The following EPN2 variants were observed in gnomAD, a reference collection of about 807,000 sequenced individuals.
EPN2 encodes epsin-2.
Under a neutral mutation model 61.7 loss-of-function variants are expected in EPN2, and 34 were observed. That is an observed-to-expected ratio of 0.55 (90% CI 0.42 to 0.73). The LOEUF (loss-of-function observed/expected upper bound fraction) is 0.73, where lower values mean the gene tolerates loss of function less well. Among genes scored for constraint, EPN2 ranks in the 30% least tolerant of loss-of-function variants. The pLI, the probability that EPN2 is intolerant of heterozygous loss-of-function variation, is 0.00. For synonymous variants in EPN2, 349 were observed against 353.6 expected (o/e 0.99, Z 0.15); for missense variants, 714 against 839.2 (o/e 0.85, Z 1.84).
chr17:19,255,980 C>T (rs149326746), intron 1 of EPN2, among the ~76,000 whole-genome samples: 3 of 151,866 alleles, frequency 2.0e-5, no homozygotes, highest in Admixed American at 6.6e-5. Context: ...GTCTGTTACC[C>T]AGGCTGGAGT....
chr17:19,331,805 G>A lies in EPN2; in HGVS notation c.1412-48G>A, dbSNP rs764090296. On this transcript the variant is annotated intron_variant, in intron 9 of 10. Coordinates refer to ENST00000314728, the MANE Select transcript of EPN2 (RefSeq NM_014964.5). ...GTTTTGTGTTAAGTACACAGTCTTAGGCTCTCCCTGCCACACTCACCCTGC... is the reference window on the plus strand; with the variant it reads ...GTTTTGTGTTAAGTACACAGTCTTAAGCTCTCCCTGCCACACTCACCCTGC... The A allele has an allele frequency of 4.6e-6, 7 of 1,529,216 alleles. No homozygotes were observed. The South Asian group carries it at 7.8e-5, about 17-fold the overall frequency. 94.7% of individuals were successfully genotyped at this position (1,529,216 alleles called of 1,614,324 possible).
At chr17:19,260,427 C>T (rs1438666551) in intron 1 of EPN2, among the ~76,000 whole-genome samples, 3 of 152,118 alleles carry the variant, frequency 2.0e-5, no homozygotes, top group East Asian at 1.9e-4. Context: ...AAGGGACAGA[C>T]GCGGGACGGT....
intron 1 of EPN2, among the ~76,000 whole-genome samples, chr17:19,237,992 C>A (rs1022867326): frequency 1.3e-5 from 2 of 152,188 alleles, no homozygotes; most frequent in African/African-American, 2.4e-5. Context: ...GTGCAGAGCC[C>A]GGTCCGGGCG....
intron 1 of EPN2, among the ~76,000 whole-genome samples, chr17:19,247,712 G>T (rs1481062396): frequency 6.7e-6 from 1 of 148,580 alleles, no homozygotes; most frequent in Admixed American, 6.6e-5. Context: ...AGGGAGCAGG[G>T]TAGGTCTTGA....
chr17:19,280,916 C>T (rs1384483379), intron 1 of EPN2, among the ~76,000 whole-genome samples: 1 of 152,212 alleles, frequency 6.6e-6, no homozygotes, highest in Non-Finnish European at 1.5e-5. Flanking sequence ...AGTTGAGACC[C>T]CTTCTTTGGG....
At chr17:19,259,608 G>C (rs2045118929) in intron 1 of EPN2, among the ~76,000 whole-genome samples, 1 of 152,120 alleles carries the variant, frequency 6.6e-6, no homozygotes, top group African/African-American at 2.4e-5. Flanking sequence ...CACAGCGCCC[G>C]GCTGAGTATT....
intron 1 of EPN2, among the ~76,000 whole-genome samples, chr17:19,243,781 C>G (rs535273222): frequency 6.6e-6 from 1 of 152,240 alleles, no homozygotes; most frequent in Admixed American, 6.5e-5. Flanking sequence ...TCAAGTGATC[C>G]GCTTGTCTTG....
rs539044453 is a variant in EPN2 at position 19,258,139 on chromosome 17, G to A, written c.-294+20608G>A. 2.5e-5 allele frequency: 4 copies of A among 162,972 alleles called. No individual in the cohort carries two copies. The South Asian group carries it at 6.6e-4, about 27-fold the overall frequency. 10.1% of individuals were successfully genotyped at this position (162,972 alleles called of 1,614,324 possible). On this transcript the variant is annotated intron_variant, in intron 1 of 10. Transcript: ENST00000314728. ...GGAAGAGGAATAAGCACTGACTCAG[G>A]TGGCTGCTGGTGCTGGTGCTGATGC...
At chr17:19,302,962 G>A (rs773108009) in intron 4 of EPN2, among the ~76,000 whole-genome samples, 13 of 152,216 alleles carry the variant, frequency 8.5e-5, no homozygotes, top group African/African-American at 1.2e-4. Flanking sequence ...AGCACATAGG[G>A]CAGGGAGGAA....
chr17:19,334,047 G>A lies in EPN2; in HGVS notation c.1719G>A (p.Leu573=). ...TLNQLRGSPV[L]GTSTSFGPGP... ...ACCAGCTTCGGGGGAGCCCAGTCCT[G>A]GGGACCAGCACATCCTTTGGGCCTG... The change falls in exon 11 of 11, where the codon CTG becomes CTA. Residue 573 remains leucine (L), a synonymous_variant. Transcript: ENST00000314728. This position sits in a 1 kb window ranked among gnomAD's most constrained non-coding sequence, Gnocchi z 4.9. 1 of 1,608,070 alleles carries A rather than the reference G, an allele frequency of 6.2e-7. No homozygotes were observed. Among genetic ancestry groups the A allele is most frequent in the African/African-American group, 1.3e-5 (1 of 74,986 alleles).
At position 19,283,453 on chromosome 17, in the gene EPN2, A is replaced by T. The variant is rs768221067; in HGVS notation, c.334A>T (p.Ile112Phe). 2 of 1,614,234 alleles carry T rather than the reference A, an allele frequency of 1.2e-6. No homozygotes were observed. Among genetic ancestry groups the T allele is most frequent in the South Asian group, 2.2e-5 (2 of 91,086 alleles). The change falls in exon 3 of 11, where the codon ATT becomes TTT. Residue 112 changes from isoleucine (I) to phenylalanine (F), a missense_variant. By Grantham distance (21) the Ile-to-Phe change is conservative. Transcript: ENST00000314728. This position sits in a 1 kb window ranked among gnomAD's most constrained non-coding sequence, Gnocchi z 7.0. ...AIQTLKDFQY[I>F]DRDGKDQGIN... The stretch of plus-strand genomic sequence containing the variant: ...CCAGACCCTGAAGGACTTCCAGTAC[A>T]TTGACCGAGATGGCAAGGACCAGGG...
intron 1 of EPN2, among the ~76,000 whole-genome samples, chr17:19,246,767 CTTTTTTTTT>C (rs377094702): frequency 1.8e-5 from 2 of 109,550 alleles, no homozygotes; most frequent in East Asian, 3.4e-4. Context: ...CCCTGTGTGC[CTTTTTTTTT>C]TTTTTTTTTT....
At position 19,331,878 on chromosome 17, in the gene EPN2, C is replaced by G. The variant is rs1907172968; in HGVS notation, c.1437C>G (p.Ser479=). 6.2e-7 allele frequency: 1 copy of G among 1,614,190 alleles called. No homozygotes were observed. The highest frequency in any genetic ancestry group is 1.1e-5 in the South Asian group (1 of 91,088). The part of the protein sequence containing the change: ...KTAESVTSLP[S]QNNGTTSPDP... ...CCGAATCTGTGACCTCTCTGCCATC[C>G]CAAAACAATGGAACTACCAGCCCTG... is the stretch of plus-strand genomic sequence containing the variant. The change falls in exon 10 of 11, where the codon TCC becomes TCG. Residue 479 remains serine, a synonymous_variant. Transcript: ENST00000314728.
In EPN2 at chr17:19,254,080, C is replaced by CATG. The variant is rs1449272700; in HGVS notation, c.-294+16552_-294+16554dup. On this transcript the variant is annotated intron_variant, in intron 1 of 10. Coordinates refer to ENST00000314728, the MANE Select transcript of EPN2 (RefSeq NM_014964.5). ...CCAGGAGGCGGAGGTAGCAGTGAGCCATGATCACGCCACCGTACTCCAGCC... is the reference window on the plus strand; with the variant it reads ...CCAGGAGGCGGAGGTAGCAGTGAGCCATGATGATCACGCCACCGTACTCCAGCC... 2.8e-5 allele frequency among the ~76,000 whole-genome samples: 4 copies of CATG among 142,826 alleles called. No homozygotes were observed. The Admixed American group carries it at 2.9e-4, about 10-fold the overall frequency. 93.7% of individuals were successfully genotyped at this position (142,826 alleles called of 152,430 possible). A position where few individuals can be genotyped will look rare whatever the true frequency, so the allele number is the denominator to read the frequency against.
chr17:19,320,389 C>G (rs949247976), intron 7 of EPN2, among the ~76,000 whole-genome samples: 2 of 152,178 alleles, frequency 1.3e-5, no homozygotes, highest in Non-Finnish European at 1.5e-5. Flanking sequence ...GAGCTTGTCT[C>G]CACCACGCAT....
chr17:19,280,532 A>T (rs1193318961), intron 1 of EPN2, among the ~76,000 whole-genome samples: 1 of 152,194 alleles, frequency 6.6e-6, no homozygotes, highest in Non-Finnish European at 1.5e-5. Flanking sequence ...GTGGCTTCAG[A>T]TAGAGTCAGA....
At position 19,247,197 on chromosome 17, in the gene EPN2, A is replaced by T. The variant is rs1391338778; in HGVS notation, c.-294+9666A>T. Among the ~76,000 whole-genome samples the T allele has an allele frequency of 5.9e-5, 9 of 152,182 alleles. No homozygotes were observed. The East Asian group carries it at 9.6e-4, about 16-fold the overall frequency. On this transcript the variant is annotated intron_variant, in intron 1 of 10. Transcript: ENST00000314728. ...TCACTTTATGAGAAGCAGCTGGGAGATGTAGAAGTATGGGCATTTCAAGGA... is the reference window on the plus strand; with the variant it reads ...TCACTTTATGAGAAGCAGCTGGGAGTTGTAGAAGTATGGGCATTTCAAGGA...
Position 19,334,716 on chromosome 17 carries a change from T to C in EPN2, c.*462T>C, listed in dbSNP as rs1907320502. 6.5e-6 allele frequency: 1 copy of C among 155,020 alleles called. No individual in the cohort carries two copies. Among genetic ancestry groups the C allele is most frequent in the Non-Finnish European group, 1.4e-5 (1 of 69,794 alleles). 9.6% of individuals were successfully genotyped at this position (155,020 alleles called of 1,614,324 possible). A position where few individuals can be genotyped will look rare whatever the true frequency, so the allele number is the denominator to read the frequency against. On this transcript the variant is annotated 3_prime_UTR_variant, in exon 11 of 11. Coordinates refer to ENST00000314728, the MANE Select transcript of EPN2 (RefSeq NM_014964.5). This position sits in a 1 kb window ranked among gnomAD's most constrained non-coding sequence, Gnocchi z 4.9. ...CACCTTTTGGGGAAGTGGTTGTGCA[T>C]ATTTTATTTTTCTTTGACTCGTGTG...
intron 1 of EPN2, among the ~76,000 whole-genome samples, chr17:19,259,817 C>T (rs770938723): frequency 8.5e-5 from 13 of 152,190 alleles, no homozygotes; most frequent in East Asian, 1.9e-4. Flanking sequence ...CCTAAATGCC[C>T]GGAGGAAGGG....
Sources: allele counts gnomAD v4.1 joint callset (sites outside exome capture counted in the v4.1 genomes callset), GRCh38; gene constraint gnomAD v4.1.1; non-coding constraint Gnocchi (gnomAD v3.1); transcripts MANE v1.5; gene names NCBI Gene and HGNC (gene_info 2026-07-23, HGNC 2026-07-21).